MRTFA: variants seen among roughly 807,000 people sequenced by gnomAD.
MRTFA encodes the protein myocardin-related transcription factor A.
MRTFA carries 20 observed loss-of-function variants against 83.5 expected under a neutral mutation model. That is an observed-to-expected ratio of 0.24 (90% CI 0.17 to 0.35). The LOEUF (loss-of-function observed/expected upper bound fraction) is 0.35. Ranked by LOEUF, MRTFA falls within the 10% of genes least tolerant of loss-of-function variation. The probability of loss-of-function intolerance (pLI) is 1.00; values close to 1 mark genes in which losing one functional copy is unlikely to be tolerated. For missense variants in MRTFA, 1,200 were observed against 1,224.7 expected (o/e 0.98, Z 0.30); for synonymous variants, 659 against 541.2 (o/e 1.22, Z -3.02).
At chr22:40,419,521 G>A (rs1387869602) in intron 11 of MRTFA, 137 bp from the exon 12 acceptor site, 13 of 729,990 alleles carry the variant, frequency 1.8e-5, no homozygotes, top group Non-Finnish European at 2.7e-5. Context: ...CCTGGAGGGT[G>A]CAATGCCCCC....
At chr22:40,628,960 C>T (rs971850139) in intron 1 of MRTFA, among the ~76,000 whole-genome samples, 4 of 152,122 alleles carry the variant, frequency 2.6e-5, no homozygotes, top group African/African-American at 9.7e-5. Flanking sequence ...GTGTAATTAT[C>T]TTCTCTCCTC....
chr22:40,567,040 G>A lies in MRTFA; in HGVS notation c.-21-14673C>T, dbSNP rs537709637. Among the ~76,000 whole-genome samples the A allele has an allele frequency of 6.6e-5, 10 of 152,114 alleles. No homozygotes were observed. In the South Asian group the frequency reaches 8.3e-4, roughly 13 times the overall value. ...TTGGTGATGTGACCTTGAGTAAGTCGCTCTGAATAAACATTTGTTATTATT... is the reference window on the plus strand; with the variant it reads ...TTGGTGATGTGACCTTGAGTAAGTCACTCTGAATAAACATTTGTTATTATT... On this transcript the variant is annotated intron_variant, in intron 2 of 14. Coordinates refer to ENST00000355630, the MANE Select transcript of MRTFA (RefSeq NM_020831.6).
chr22:40,633,562 A>G (rs2056663103), intron 1 of MRTFA, among the ~76,000 whole-genome samples: 1 of 152,212 alleles, frequency 6.6e-6, no homozygotes, highest in African/African-American at 2.4e-5. Flanking sequence ...CAAAGTTAGT[A>G]AAGTGCTTCA....
At chr22:40,440,151 CAAA>C (rs376161982) in intron 4 of MRTFA, among the ~76,000 whole-genome samples, 332 of 70,740 alleles carry the variant, frequency 4.7e-3, no homozygotes, top group East Asian at 0.04. Context: ...GACTCCGTCT[CAAA>C]AAAAAAAAAA....
At chr22:40,425,064 G>A (rs1383195368) in intron 7 of MRTFA, among the ~76,000 whole-genome samples, 1 of 152,324 alleles carries the variant, frequency 6.6e-6, no homozygotes. Context: ...GGGCAGGTGG[G>A]GCACCAGAAG....
At chr22:40,488,464 A>C (rs1204688726) in intron 3 of MRTFA, among the ~76,000 whole-genome samples, 1 of 152,184 alleles carries the variant, frequency 6.6e-6, no homozygotes, top group Non-Finnish European at 1.5e-5. Flanking sequence ...AGGCTGACAG[A>C]ATTGAGCCCA....
chr22:40,411,950 C>T, intron 14 of MRTFA, 43 bp from the exon 15 acceptor site: 4 of 1,421,848 alleles, frequency 2.8e-6, no homozygotes, highest in Non-Finnish European at 3.7e-6. Flanking sequence ...AGAAGCCAAG[C>T]CTGTATATCT....
chr22:40,431,251 C>G (rs2053063713), intron 6 of MRTFA, among the ~76,000 whole-genome samples, 154 bp downstream of exon 6: 1 of 152,146 alleles, frequency 6.6e-6, no homozygotes, highest in South Asian at 2.1e-4. Context: ...TGGCAGCTAC[C>G]ATGGCACAGC....
At chr22:40,519,653 A>G in intron 3 of MRTFA, 1 of 1,240,498 alleles carries the variant, frequency 8.1e-7, no homozygotes, top group East Asian at 4.4e-5. Context: ...AAGCAATAGA[A>G]TGTTCCATAA....
chr22:40,424,445 C>G (rs1321814436), intron 7 of MRTFA, 64 bp from the exon 8 acceptor site: 31 of 1,555,756 alleles, frequency 2.0e-5, no homozygotes, highest in African/African-American at 4.1e-5. Context: ...CAGGGACAGG[C>G]CTGGCTCGCA....
chr22:40,447,230 T>C (rs1023760482), intron 4 of MRTFA, among the ~76,000 whole-genome samples: 1 of 151,764 alleles, frequency 6.6e-6, no homozygotes, highest in African/African-American at 2.4e-5. Flanking sequence ...CGCGCACCTG[T>C]AGTCCGATCT....
intron 3 of MRTFA, among the ~76,000 whole-genome samples, chr22:40,540,248 G>A (rs946822783): frequency 3.3e-5 from 5 of 152,112 alleles, no homozygotes; most frequent in Non-Finnish European, 7.4e-5. Flanking sequence ...TTCACAGGTG[G>A]TAGTGTGTAC....
chr22:40,620,801 A>C (rs1163871332), intron 1 of MRTFA, among the ~76,000 whole-genome samples: 1 of 152,096 alleles, frequency 6.6e-6, no homozygotes, highest in African/African-American at 2.4e-5. Flanking sequence ...CAAAATATAC[A>C]TAGGAGACCC....
rs2052501540 is a variant in MRTFA, at chr22:40,410,824, A to T, written c.*566T>A. 4.3e-6 allele frequency: 1 copy of T among 232,364 alleles called. No homozygotes were observed. Among genetic ancestry groups the T allele is most frequent in the Non-Finnish European group, 8.5e-6 (1 of 117,832 alleles). 14.4% of individuals were successfully genotyped at this position (232,364 alleles called of 1,614,324 possible). ...GTATGTCGATATATAATATAGAGGT[A>T]TATACACCTGTACATAAAATTGTTG... On this transcript the variant is annotated 3_prime_UTR_variant, in exon 15 of 15. Coordinates refer to ENST00000355630, the MANE Select transcript of MRTFA (RefSeq NM_020831.6).
At chr22:40,574,853 C>T (rs1246213008) in intron 2 of MRTFA, among the ~76,000 whole-genome samples, 1 of 152,188 alleles carries the variant, frequency 6.6e-6, no homozygotes, top group African/African-American at 2.4e-5. Flanking sequence ...TTGGTACCCA[C>T]AGCAGGGGTA....
In MRTFA at chr22:40,453,746, A is replaced by C. The variant is rs6001919; in HGVS notation, c.307+9475T>G. 7.4e-3 allele frequency among the ~76,000 whole-genome samples: 1,126 copies of C among 152,088 alleles called. 25 individuals are homozygous for C. In the Middle Eastern group the frequency reaches 0.075, roughly 10 times the overall value. On this transcript the variant is annotated intron_variant, in intron 4 of 14. Coordinates refer to ENST00000355630, the MANE Select transcript of MRTFA (RefSeq NM_020831.6). ...TTTTAGTTAAAAAAAAAAATTGTTA[A>C]AAAAAATAGGAGTGGGGATGGAGGA...
intron 2 of MRTFA, chr22:40,586,657 G>A (rs1384442685): frequency 4.7e-6 from 1 of 210,940 alleles, no homozygotes. Flanking sequence ...TTAAAAATAA[G>A]CTGTCCAAAA....
In MRTFA at chr22:40,618,992, A is replaced by AAT. The variant is rs753350588; in HGVS notation, c.-84+17484_-84+17485dup. Reference sequence around the variant, plus strand: ...AAAAATAAAAATAATAATAATTAAAAATATATATATATATATCAATAATCC... The same window carrying AAT: ...AAAAATAAAAATAATAATAATTAAAAATATATATATATATATATCAATAATCC... On this transcript the variant is annotated intron_variant, in intron 1 of 14. Transcript: ENST00000355630. Among the ~76,000 whole-genome samples, 1,387 of 149,090 alleles carry AAT rather than the reference A, an allele frequency of 9.3e-3. 17 individuals carry two copies. The highest frequency in any genetic ancestry group is 0.028 in the African/African-American group (1,149 of 40,882).
chr22:40,434,081 A>G (rs1466623073), intron 5 of MRTFA, among the ~76,000 whole-genome samples: 1 of 152,224 alleles, frequency 6.6e-6, no homozygotes, highest in Non-Finnish European at 1.5e-5. Context: ...GTGAGGATAA[A>G]AAAGAAACAG....
Sources: allele counts gnomAD v4.1 joint callset (sites outside exome capture counted in the v4.1 genomes callset), GRCh38; gene constraint gnomAD v4.1.1; transcripts MANE v1.5; gene names NCBI Gene and HGNC (gene_info 2026-07-23, HGNC 2026-07-21).